The following NEK10 variants were observed in gnomAD, a reference collection of about 807,000 sequenced individuals.
The protein encoded by NEK10 is serine/threonine-protein kinase Nek10.
In NEK10, 122 loss-of-function variants were observed where a neutral mutation model predicts 159.8. The observed-to-expected ratio is 0.76, with a 90% CI of 0.66 to 0.89. The LOEUF (loss-of-function observed/expected upper bound fraction) is 0.89, where lower values mean the gene tolerates loss of function less well. Ranked by LOEUF, NEK10 falls within the 40% of genes least tolerant of loss-of-function variation. NEK10 has a pLI of 0.00. For missense variants in NEK10, 1,342 were observed against 1,323.1 expected, an observed-to-expected ratio of 1.01 and a Z score of -0.22; for synonymous variants, 466 against 457.1, an observed-to-expected ratio of 1.02 and a Z score of -0.25.
chr3:27,163,335 C>T (rs1356380976), intron 29 of NEK10, among the ~76,000 whole-genome samples: 1 of 151,658 alleles, frequency 6.6e-6, no homozygotes, highest in Admixed American at 6.6e-5. Flanking sequence ...TTGTTTTTTC[C>T]ACTGTACCCT....
At chr3:27,174,611 C>T in intron 27 of NEK10, 39 bp downstream of exon 27, 1 of 1,596,048 alleles carries the variant, frequency 6.3e-7, no homozygotes, top group Non-Finnish European at 8.5e-7. Context: ...CACACTGCCA[C>T]TAGCAGTACC....
chr3:27,210,270 G>A (rs1007806452), intron 23 of NEK10, among the ~76,000 whole-genome samples: 29 of 145,564 alleles, frequency 2.0e-4, no homozygotes, highest in Non-Finnish European at 4.0e-4. Context: ...GCAGAGTCCC[G>A]AGGCACCATG....
At chr3:27,176,682 C>A (rs917753120) in intron 26 of NEK10, among the ~76,000 whole-genome samples, 1 of 152,166 alleles carries the variant, frequency 6.6e-6, no homozygotes, top group Admixed American at 6.6e-5. Flanking sequence ...GAAGTAAAAA[C>A]CCAATTCAAG....
chr3:27,127,451 C>G (rs1942100023), intron 32 of NEK10, among the ~76,000 whole-genome samples: 1 of 152,130 alleles, frequency 6.6e-6, no homozygotes, highest in Non-Finnish European at 1.5e-5. Flanking sequence ...TACTACACAC[C>G]TAGGCTATAT....
chr3:27,291,605 A>G lies in NEK10; in HGVS notation c.1374-19T>C. On this transcript the variant is annotated intron_variant, in intron 16 of 35. Transcript: ENST00000691995. ...GAAAAGTCTACAGAGAATATTACAC[A>G]CACTTAAAGTAGAACTTGGACACAG... 1 of 1,326,738 alleles carries G rather than the reference A, an allele frequency of 7.5e-7. No individual in the cohort carries two copies. Among genetic ancestry groups the G allele is most frequent in the Non-Finnish European group, 1.1e-6 (1 of 919,128 alleles). 82.2% of individuals were successfully genotyped at this position (1,326,738 alleles called of 1,614,324 possible).
intron 5 of NEK10, among the ~76,000 whole-genome samples, chr3:27,339,066 T>C (rs1161808633): frequency 6.6e-6 from 1 of 152,094 alleles, no homozygotes; most frequent in Non-Finnish European, 1.5e-5. Flanking sequence ...ATATCCAAAA[T>C]ATACAAGGAA....
chr3:27,295,741 C>T, intron 14 of NEK10, 51 bp from the exon 15 acceptor site: 1 of 1,487,870 alleles, frequency 6.7e-7, no homozygotes, highest in Middle Eastern at 1.8e-4. Context: ...TAGTGATACA[C>T]AAGCAAAAAG....
chr3:27,123,219 A>G (rs982657752), intron 32 of NEK10, among the ~76,000 whole-genome samples: 2 of 152,202 alleles, frequency 1.3e-5, no homozygotes, highest in Non-Finnish European at 2.9e-5. Context: ...ATAGGGTGAT[A>G]TCATAAATCA....
chr3:27,118,769 T>A (rs1940866264), intron 33 of NEK10, among the ~76,000 whole-genome samples: 1 of 152,224 alleles, frequency 6.6e-6, no homozygotes, highest in African/African-American at 2.4e-5. Flanking sequence ...TTTAAACAAC[T>A]TTTTATCTTG....
intron 22 of NEK10, 81 bp downstream of exon 22, chr3:27,284,521 C>G: frequency 1.2e-6 from 1 of 810,438 alleles, no homozygotes. Flanking sequence ...CCATGAGTGC[C>G]AAAAGTTCTA....
At chr3:27,146,605 T>A (rs1220647436) in intron 30 of NEK10, among the ~76,000 whole-genome samples, 1 of 152,178 alleles carries the variant, frequency 6.6e-6, no homozygotes, top group African/African-American at 2.4e-5. Context: ...GTAACGTAAT[T>A]GTAGTTCAAA....
chr3:27,127,417 T>C (rs1942096491), intron 32 of NEK10, among the ~76,000 whole-genome samples: 1 of 152,160 alleles, frequency 6.6e-6, no homozygotes, highest in South Asian at 2.1e-4. Context: ...AGAGTGTATT[T>C]ACACAAAACT....
At chr3:27,334,463 C>T (rs1016371296) in intron 5 of NEK10, among the ~76,000 whole-genome samples, 1 of 152,168 alleles carries the variant, frequency 6.6e-6, no homozygotes, top group Admixed American at 6.5e-5. Context: ...ACACTAGTGG[C>T]AGTGTATGCC....
intron 31 of NEK10, among the ~76,000 whole-genome samples, chr3:27,133,541 G>A (rs112564938): frequency 0.013 from 1,963 of 152,290 alleles, 47 homozygotes; most frequent in African/African-American, 0.043. Flanking sequence ...TTGGGAGGCC[G>A]AGGCAGGAGG....
At chr3:27,331,770 C>T (rs527432264) in intron 5 of NEK10, among the ~76,000 whole-genome samples, 1 of 152,108 alleles carries the variant, frequency 6.6e-6, no homozygotes, top group South Asian at 2.1e-4. Context: ...TTTCTAATAA[C>T]GTTGTGATGT....
At chr3:27,227,140 A>T (rs1192734579) in intron 23 of NEK10, among the ~76,000 whole-genome samples, 1 of 152,166 alleles carries the variant, frequency 6.6e-6, no homozygotes, top group Non-Finnish European at 1.5e-5. Context: ...TATTTTTCTA[A>T]TGGGAAAAAT....
At chr3:27,239,109 G>A (rs555204599) in intron 23 of NEK10, among the ~76,000 whole-genome samples, 2 of 152,112 alleles carry the variant, frequency 1.3e-5, no homozygotes, top group South Asian at 4.2e-4. Context: ...TTTCATCTGT[G>A]ATGCAGTGGA....
At chr3:27,243,215 G>T (rs916285099) in intron 23 of NEK10, among the ~76,000 whole-genome samples, 7 of 151,724 alleles carry the variant, frequency 4.6e-5, no homozygotes, top group African/African-American at 1.7e-4. Context: ...AGTCTGAAAT[G>T]CCAAGATAAA....
chr3:27,305,095 T>C (rs2149558089), intron 11 of NEK10, 124 bp from the exon 12 acceptor site: 1 of 658,614 alleles, frequency 1.5e-6, no homozygotes, highest in Admixed American at 2.6e-5. Flanking sequence ...CATGGGTCAA[T>C]GTGCCATTTT....
Sources: gnomAD v4.1 joint callset for allele counts (sites outside exome capture counted in the v4.1 genomes callset) on GRCh38, gnomAD v4.1.1 for gene constraint, MANE v1.5 for transcripts, NCBI Gene and HGNC (gene_info 2026-07-23, HGNC 2026-07-21) for gene names.